EXOC4: variants seen among roughly 807,000 people sequenced by gnomAD.
EXOC4 encodes SEC8-like 1.
A neutral mutation model predicts 107.2 loss-of-function variants in EXOC4; 71 were observed. The observed-to-expected ratio is 0.66, with a 90% CI of 0.55 to 0.81. The LOEUF (loss-of-function observed/expected upper bound fraction) is 0.81, where lower values mean the gene tolerates loss of function less well. Ranked by LOEUF, EXOC4 falls within the 30% of genes least tolerant of loss-of-function variation. The pLI is 0.00. For missense variants in EXOC4, 1,108 were observed against 1,189.6 expected (o/e 0.93, Z 1.01); for synonymous variants, 456 against 441.2 (o/e 1.03, Z -0.42).
chr7:133,518,099 C>T (rs1416057050), intron 9 of EXOC4, among the ~76,000 whole-genome samples: 2 of 151,888 alleles, frequency 1.3e-5, no homozygotes, highest in Non-Finnish European at 2.9e-5. Flanking sequence ...GGGGCTTATT[C>T]ACATGGGAGC....
At chr7:133,624,922 G>T (rs1270105395) in intron 9 of EXOC4, among the ~76,000 whole-genome samples, 1 of 145,740 alleles carries the variant, frequency 6.9e-6, no homozygotes, top group Non-Finnish European at 1.5e-5. Context: ...AAAAAAAAGA[G>T]TAGGGGGAAT....
At chr7:133,255,065 A>G (rs975774076) in intron 1 of EXOC4, among the ~76,000 whole-genome samples, 2 of 151,716 alleles carry the variant, frequency 1.3e-5, no homozygotes, top group Admixed American at 6.6e-5. Flanking sequence ...GTGGTTATCC[A>G]TCCATCTCTT....
intron 9 of EXOC4, chr7:133,576,936 A>G (rs1239721739): frequency 8.9e-7 from 1 of 1,126,570 alleles, no homozygotes; most frequent in Non-Finnish European, 1.2e-6. Context: ...TATTCACTGC[A>G]TGTGTGTATG....
the EXOC4 span, among the ~76,000 whole-genome samples, chr7:134,072,654 A>G: frequency 6.2e-3 from 945 of 152,272 alleles, 15 homozygotes; most frequent in African/African-American, 0.021. Context: ...AAGACCATCA[A>G]CTTTGCAGGT....
intron 5 of EXOC4, among the ~76,000 whole-genome samples, chr7:133,324,222 C>A (rs1452217062): frequency 1.3e-5 from 2 of 152,104 alleles, no homozygotes; most frequent in Non-Finnish European, 2.9e-5. Context: ...CAGTTCTGCT[C>A]TGATCTTAGT....
At chr7:133,383,946 G>T (rs575648409) in intron 7 of EXOC4, among the ~76,000 whole-genome samples, 120 of 152,240 alleles carry the variant, frequency 7.9e-4, no homozygotes, top group African/African-American at 2.7e-3. Flanking sequence ...ATAATATGCT[G>T]CCAAATGAAC....
At chr7:133,705,856 G>C (rs1794758935) in intron 10 of EXOC4, among the ~76,000 whole-genome samples, 1 of 152,182 alleles carries the variant, frequency 6.6e-6, no homozygotes, top group Non-Finnish European at 1.5e-5. Context: ...AATTTAAAAT[G>C]CATGAGTTGT....
chr7:133,460,796 A>G (rs1414383448), intron 7 of EXOC4, among the ~76,000 whole-genome samples: 3 of 152,172 alleles, frequency 2.0e-5, no homozygotes, highest in Non-Finnish European at 4.4e-5. Flanking sequence ...TGGTGATATT[A>G]AGTTGTTCTT....
intron 10 of EXOC4, among the ~76,000 whole-genome samples, chr7:133,690,144 G>A (rs75203942): frequency 6.6e-6 from 1 of 152,184 alleles, no homozygotes; most frequent in East Asian, 1.9e-4. Context: ...TCAGCTTGGT[G>A]GCTTGGTACT....
At chr7:133,944,875 C>T (rs1800513009) in intron 14 of EXOC4, among the ~76,000 whole-genome samples, 4 of 152,062 alleles carry the variant, frequency 2.6e-5, no homozygotes, top group Admixed American at 2.6e-4. Context: ...TAAATGTATA[C>T]AACCATATTA....
chr7:133,852,018 A>G (rs1041421988), intron 11 of EXOC4, among the ~76,000 whole-genome samples: 2 of 152,176 alleles, frequency 1.3e-5, no homozygotes, highest in Admixed American at 6.5e-5. Flanking sequence ...AAATTTTCTT[A>G]TAATCTTGAC....
chr7:134,004,392 G>A (rs1794595721), intron 15 of EXOC4, among the ~76,000 whole-genome samples: 1 of 152,142 alleles, frequency 6.6e-6, no homozygotes, highest in Non-Finnish European at 1.5e-5. Flanking sequence ...ATAAGGAACT[G>A]AGGGATAGAG....
At chr7:133,342,238 C>T (rs957173253) in intron 5 of EXOC4, among the ~76,000 whole-genome samples, 7 of 152,110 alleles carry the variant, frequency 4.6e-5, no homozygotes, top group Middle Eastern at 3.4e-3. Flanking sequence ...TTAGTAGTGG[C>T]GAATTCTCTT....
chr7:133,481,495 G>A (rs1263717263), intron 9 of EXOC4, among the ~76,000 whole-genome samples: 2 of 152,152 alleles, frequency 1.3e-5, no homozygotes, highest in African/African-American at 4.8e-5. Flanking sequence ...ACACTATGAA[G>A]TAACCACTCA....
intron 12 of EXOC4, among the ~76,000 whole-genome samples, chr7:133,903,799 A>C (rs1799507612): frequency 6.6e-6 from 1 of 152,224 alleles, no homozygotes; most frequent in Admixed American, 6.5e-5. Context: ...TACTCATGGC[A>C]AAGAAGAGGA....
chr7:133,296,958 T>C (rs1471614319), intron 3 of EXOC4, among the ~76,000 whole-genome samples: 1 of 152,188 alleles, frequency 6.6e-6, no homozygotes, highest in Non-Finnish European at 1.5e-5. Context: ...AATGCCAATA[T>C]GCAGGCAACA....
At chr7:134,087,430 A>G in the EXOC4 span, among the ~76,000 whole-genome samples, 2 of 152,340 alleles carry the variant, frequency 1.3e-5, no homozygotes, top group East Asian at 1.9e-4. Flanking sequence ...TAAGTGTTCA[A>G]TTTAAGAAAA....
At chr7:133,377,909 G>C (rs1259970629) in intron 7 of EXOC4, among the ~76,000 whole-genome samples, 1 of 152,082 alleles carries the variant, frequency 6.6e-6, no homozygotes, top group African/African-American at 2.4e-5. Flanking sequence ...CTAGAATTTT[G>C]TGTTACCGAA....
At chr7:133,971,568 C>T (rs1801239318) in intron 14 of EXOC4, among the ~76,000 whole-genome samples, 1 of 151,328 alleles carries the variant, frequency 6.6e-6, no homozygotes, top group Non-Finnish European at 1.5e-5. Flanking sequence ...GGTGAATTTT[C>T]TTAAGGCAGG....
Sources: allele counts gnomAD v4.1 joint callset (sites outside exome capture counted in the v4.1 genomes callset), GRCh38; gene constraint gnomAD v4.1.1; transcripts MANE v1.5; gene names NCBI Gene and HGNC (gene_info 2026-07-23, HGNC 2026-07-21).